FAM177A1: variants seen among roughly 807,000 people sequenced by gnomAD.
The protein encoded by FAM177A1 is protein FAM177A1.
FAM177A1 carries 22 observed loss-of-function variants against 26.1 expected under a neutral mutation model. That is an observed-to-expected ratio of 0.84 (90% CI 0.60 to 1.20). The LOEUF is 1.20. FAM177A1 is among the 50% of genes most tolerant of loss of function. The pLI, the probability that FAM177A1 is intolerant of heterozygous loss-of-function variation, is 0.00. For missense variants in FAM177A1, 296 were observed against 291.1 expected (o/e 1.02, Z -0.12); for synonymous variants, 95 against 99.3 (o/e 0.96, Z 0.26).
chr14:35,050,006 T>C (rs957601334), intron 1 of FAM177A1: 83 of 152,134 alleles, frequency 5.5e-4, no homozygotes, highest in African/African-American at 1.9e-3. Context: ...AAATTCACAG[T>C]GTAACTTTTT....
intron 1 of FAM177A1, among the ~76,000 whole-genome samples, chr14:35,047,562 A>G (rs1354903106): frequency 6.6e-6 from 1 of 152,218 alleles, no homozygotes; most frequent in Non-Finnish European, 1.5e-5. Context: ...CAGTCTGGCC[A>G]ACATGGTGAA....
intron 2 of FAM177A1, among the ~76,000 whole-genome samples, chr14:35,061,613 T>G (rs1166523612): frequency 3.0e-5 from 2 of 67,572 alleles, no homozygotes; most frequent in Non-Finnish European, 5.2e-5. Context: ...GGGACTGTTG[T>G]GGGGTGGGGG....
chr14:35,058,054 TTTA>T (rs1185501722), intron 2 of FAM177A1, among the ~76,000 whole-genome samples: 25 of 151,776 alleles, frequency 1.6e-4, no homozygotes, highest in East Asian at 1.4e-3. Flanking sequence ...TGTCCTACTT[TTTA>T]TTATTATTAT....
chr14:35,058,871 G>T (rs562525893), intron 2 of FAM177A1, among the ~76,000 whole-genome samples: 86 of 151,698 alleles, frequency 5.7e-4, no homozygotes, highest in Non-Finnish European at 1.0e-3. Context: ...GTAAGACCTT[G>T]CCTCAGAAAA....
At chr14:35,046,714 C>G (rs2295103) in intron 1 of FAM177A1, 86 bp downstream of exon 1, 267,977 of 1,440,222 alleles carry the variant, frequency 0.19, 26,353 homozygotes, top group East Asian at 0.34. Context: ...CCTGCGCGGC[C>G]GTCCTCCGAG....
Position 35,046,625 on chromosome 14 carries a change from G to A in FAM177A1, c.162G>A (p.Gly54=), listed in dbSNP as rs1220547792. The A allele has an allele frequency of 1.3e-6, 2 of 1,537,336 alleles. No individual in the cohort carries two copies. Among genetic ancestry groups the A allele is most frequent in the South Asian group, 1.2e-5 (1 of 82,272 alleles). Residue 54 remains glycine (G), a synonymous_variant, in exon 1 of 5, where the codon GGG becomes GGA. Coordinates refer to ENST00000280987, the MANE Select transcript of FAM177A1 (RefSeq NM_173607.5). ...CCGCGGCATTCGGGGAATCTGCAGG[G>A]CAGGTAGGTGGGGCCGCCGAGGCTG... ...AAAAAFGESA[G]QMSNERGFEN...
At chr14:35,049,861 G>T (rs1443017580) in intron 1 of FAM177A1, among the ~76,000 whole-genome samples, 1 of 152,136 alleles carries the variant, frequency 6.6e-6, no homozygotes, top group African/African-American at 2.4e-5. Flanking sequence ...GGAGTAAAAT[G>T]TTAATTGACA....
intron 2 of FAM177A1, among the ~76,000 whole-genome samples, chr14:35,072,856 C>G (rs1026794698): frequency 1.3e-5 from 2 of 152,178 alleles, no homozygotes; most frequent in Non-Finnish European, 2.9e-5. Flanking sequence ...TCCACCCCCC[C>G]TTTCCTTTCA....
chr14:35,052,271 G>A (rs775017573), intron 1 of FAM177A1, among the ~76,000 whole-genome samples: 1 of 151,088 alleles, frequency 6.6e-6, no homozygotes, highest in Non-Finnish European at 1.5e-5. Flanking sequence ...CCGAGATGGA[G>A]TCTTGCTCTG....
intron 2 of FAM177A1, among the ~76,000 whole-genome samples, chr14:35,064,054 A>G (rs2045202272): frequency 6.6e-6 from 1 of 150,998 alleles, no homozygotes; most frequent in Admixed American, 6.6e-5. Flanking sequence ...TCTCAAAAAA[A>G]AAAAAAAAAA....
chr14:35,063,206 A>G (rs1317960372), intron 2 of FAM177A1, among the ~76,000 whole-genome samples: 1 of 150,860 alleles, frequency 6.6e-6, no homozygotes, highest in Non-Finnish European at 1.5e-5. Flanking sequence ...AGATTTTAGT[A>G]TCATTTTAGA....
At chr14:35,066,451 G>A (rs1361855599) in intron 2 of FAM177A1, among the ~76,000 whole-genome samples, 2 of 150,874 alleles carry the variant, frequency 1.3e-5, no homozygotes, top group Non-Finnish European at 2.9e-5. Context: ...TGTTGCCCAG[G>A]CTGGAGTGCA....
At chr14:35,080,945 A>G (rs1595061036) in intron 4 of FAM177A1, 77 bp from the exon 5 acceptor site, 2 of 1,372,580 alleles carry the variant, frequency 1.5e-6, no homozygotes, top group East Asian at 2.7e-5. Context: ...ACATAAGCTG[A>G]CAGTGGGGAA....
intron 4 of FAM177A1, 105 bp from the exon 5 acceptor site, chr14:35,080,912 CTTTTT>C (rs71435851): frequency 7.3e-5 from 79 of 1,079,066 alleles, no homozygotes; most frequent in Middle Eastern, 3.4e-4. Context: ...GAACATGACA[CTTTTT>C]TTTTTTTTTT....
intron 4 of FAM177A1, among the ~76,000 whole-genome samples, chr14:35,080,662 G>A (rs926489709): frequency 1.3e-5 from 2 of 152,062 alleles, no homozygotes; most frequent in African/African-American, 2.4e-5. Flanking sequence ...TTAGCTGGGC[G>A]TGGTGGCAGG....
chr14:35,068,169 G>A (rs999471923), intron 2 of FAM177A1, among the ~76,000 whole-genome samples: 3 of 152,158 alleles, frequency 2.0e-5, no homozygotes, highest in African/African-American at 7.2e-5. Context: ...TTTCCAATAT[G>A]TATTTCAGAA....
At chr14:35,065,473 G>T in intron 2 of FAM177A1, among the ~76,000 whole-genome samples, 1 of 146,474 alleles carries the variant, frequency 6.8e-6, no homozygotes, top group Non-Finnish European at 1.5e-5. Flanking sequence ...ATTTTTCTCT[G>T]ATAAGATAAG....
chr14:35,079,295 C>T (rs2045444056), intron 4 of FAM177A1, among the ~76,000 whole-genome samples: 1 of 152,198 alleles, frequency 6.6e-6, no homozygotes, highest in African/African-American at 2.4e-5. Context: ...ATTTAATCTT[C>T]ACATGCCTCT....
chr14:35,056,860 G>A (rs1238816980), intron 2 of FAM177A1, among the ~76,000 whole-genome samples: 1 of 152,140 alleles, frequency 6.6e-6, no homozygotes, highest in African/African-American at 2.4e-5. Context: ...TTGGCATACA[G>A]TAGTATTTCA....
Sources: gnomAD v4.1 joint callset for allele counts (sites outside exome capture counted in the v4.1 genomes callset) on GRCh38, gnomAD v4.1.1 for gene constraint, MANE v1.5 for transcripts, NCBI Gene and HGNC (gene_info 2026-07-23, HGNC 2026-07-21) for gene names.